The following TRAF3IP1 variants were observed in gnomAD, a reference collection of about 807,000 sequenced individuals.
TRAF3IP1 encodes TRAF3-interacting protein 1.
Under a neutral mutation model 89.9 loss-of-function variants are expected in TRAF3IP1, and 53 were observed. That is an observed-to-expected ratio of 0.59 (90% CI 0.47 to 0.74). TRAF3IP1 has a LOEUF of 0.74. Among genes scored for constraint, TRAF3IP1 ranks in the 30% least tolerant of loss-of-function variants. The probability of loss-of-function intolerance (pLI) is 0.00; values close to 1 mark genes in which losing one functional copy is unlikely to be tolerated. For synonymous variants in TRAF3IP1, 311 were observed against 322.1 expected (o/e 0.97, Z 0.37); for missense variants, 806 against 866.1 (o/e 0.93, Z 0.87).
At chr2:238,362,704 C>T (rs571616568) in intron 15 of TRAF3IP1, among the ~76,000 whole-genome samples, 34 of 152,352 alleles carry the variant, frequency 2.2e-4, no homozygotes, top group African/African-American at 8.2e-4. Flanking sequence ...CATCCATTTG[C>T]ATAGCCAGAA....
intron 15 of TRAF3IP1, among the ~76,000 whole-genome samples, chr2:238,376,568 T>C (rs906801313): frequency 1.3e-5 from 2 of 152,256 alleles, no homozygotes; most frequent in Non-Finnish European, 1.5e-5. Flanking sequence ...GGAGTATTTA[T>C]GAACAAAACT....
At chr2:238,349,870 G>A (rs999309872) in intron 12 of TRAF3IP1, among the ~76,000 whole-genome samples, 4 of 152,198 alleles carry the variant, frequency 2.6e-5, no homozygotes, top group Admixed American at 1.3e-4. Flanking sequence ...AGGAGTTTGA[G>A]ACCAGCCTGG....
chr2:238,383,214 G>A (rs1313226228), intron 15 of TRAF3IP1, among the ~76,000 whole-genome samples: 1 of 152,132 alleles, frequency 6.6e-6, no homozygotes, highest in African/African-American at 2.4e-5. Flanking sequence ...CAGACTGTGT[G>A]GGGCTCCTCT....
intron 15 of TRAF3IP1, among the ~76,000 whole-genome samples, chr2:238,356,961 G>T (rs1478791318): frequency 1.3e-5 from 2 of 152,074 alleles, no homozygotes; most frequent in African/African-American, 4.8e-5. Context: ...TGTATTTTTA[G>T]TAGAGACGGG....
At chr2:238,374,165 G>C (rs187945821) in intron 15 of TRAF3IP1, among the ~76,000 whole-genome samples, 5 of 152,132 alleles carry the variant, frequency 3.3e-5, no homozygotes, top group African/African-American at 7.2e-5. Context: ...TTCCAACACT[G>C]TGTTGAATAG....
chr2:238,388,717 C>T (rs1435398695), intron 15 of TRAF3IP1, among the ~76,000 whole-genome samples: 3 of 151,244 alleles, frequency 2.0e-5, no homozygotes, highest in African/African-American at 4.9e-5. Context: ...TCTTGGCTCA[C>T]TGTAACCTCT....
intron 15 of TRAF3IP1, among the ~76,000 whole-genome samples, chr2:238,393,453 T>C (rs957707929): frequency 1.3e-5 from 2 of 152,226 alleles, no homozygotes; most frequent in Non-Finnish European, 2.9e-5. Context: ...ATGTGTGATT[T>C]GCAGTTGTTT....
rs1698856159 is a variant in TRAF3IP1, at chr2:238,345,621, A to G, written c.1261+1023A>G. Reference sequence around the variant, plus strand: ...CCATGTTAATTAGGGAGGGTTAAAGATTGTGCAGAGAAGAGAGAGAGGCCT... The same window carrying G: ...CCATGTTAATTAGGGAGGGTTAAAGGTTGTGCAGAGAAGAGAGAGAGGCCT... On this transcript the variant is annotated intron_variant, in intron 9 of 16. Coordinates refer to ENST00000373327, the MANE Select transcript of TRAF3IP1 (RefSeq NM_015650.4). The surrounding 1 kb of genome is among the most constrained non-coding windows in gnomAD (Gnocchi z 4.7). 6.6e-6 allele frequency among the ~76,000 whole-genome samples: 1 copy of G among 152,124 alleles called. No individual in the cohort carries two copies. Among genetic ancestry groups the G allele is most frequent in the African/African-American group, 2.4e-5 (1 of 41,426 alleles).
chr2:238,367,541 C>T (rs2106346047), intron 15 of TRAF3IP1, among the ~76,000 whole-genome samples: 1 of 152,322 alleles, frequency 6.6e-6, no homozygotes, highest in South Asian at 2.1e-4. Context: ...GCTGGGGTCC[C>T]CTTAGCATGT....
At chr2:238,338,521 AT>A (rs1698490859) in intron 8 of TRAF3IP1, 64 bp downstream of exon 8, 3 of 890,436 alleles carry the variant, frequency 3.4e-6, no homozygotes, top group Non-Finnish European at 5.2e-6. Context: ...TTATATCTCA[AT>A]GTAGTTATAC....
intron 15 of TRAF3IP1, among the ~76,000 whole-genome samples, chr2:238,365,675 T>TA (rs1005101488): frequency 1.3e-5 from 2 of 150,976 alleles, no homozygotes; most frequent in Non-Finnish European, 1.5e-5. Flanking sequence ...AAAATAAAAA[T>TA]AAAAATAAAT....
At chr2:238,321,549 A>G (rs1231892460) in intron 1 of TRAF3IP1, among the ~76,000 whole-genome samples, 1 of 152,036 alleles carries the variant, frequency 6.6e-6, no homozygotes, top group East Asian at 1.9e-4. Flanking sequence ...CCACTTGCGG[A>G]TGGTGTGCTC....
intron 6 of TRAF3IP1, 95 bp from the exon 7 acceptor site, chr2:238,333,865 T>C (rs1383812816): frequency 1.9e-6 from 2 of 1,040,708 alleles, no homozygotes; most frequent in East Asian, 5.2e-5. Flanking sequence ...GATTTCATAC[T>C]TGTTCTTCCT....
rs76123458 is a variant in TRAF3IP1 at position 238,391,603 on chromosome 2, T to C, written c.1690-5856T>C. Among the ~76,000 whole-genome samples, 4 of 152,334 alleles carry C rather than the reference T, an allele frequency of 2.6e-5. No individual in the cohort carries two copies. The East Asian group carries it at 7.7e-4, about 29-fold the overall frequency. ...GACTATCACAATCCCAGCCCAAGTG[T>C]ACTTATTTTAAAGTCTTAATCTCTT... On this transcript the variant is annotated intron_variant, in intron 15 of 16. Coordinates refer to ENST00000373327, the MANE Select transcript of TRAF3IP1 (RefSeq NM_015650.4).
At chr2:238,343,344 A>T (rs989746410) in intron 8 of TRAF3IP1, among the ~76,000 whole-genome samples, 6 of 151,894 alleles carry the variant, frequency 4.0e-5, no homozygotes, top group Non-Finnish European at 5.9e-5. Context: ...TCAGCCTCCC[A>T]AAGTGCTGGG....
chr2:238,382,490 A>G (rs886343405), intron 15 of TRAF3IP1, among the ~76,000 whole-genome samples: 3 of 152,224 alleles, frequency 2.0e-5, no homozygotes, highest in Non-Finnish European at 4.4e-5. Context: ...AGAACTTTAT[A>G]TAGCAGCTTA....
At chr2:238,353,099 G>T in intron 13 of TRAF3IP1, 74 bp from the exon 14 acceptor site, 2 of 1,576,324 alleles carry the variant, frequency 1.3e-6, no homozygotes, top group South Asian at 2.3e-5. Flanking sequence ...TTCTTTTTTT[G>T]AGATCCACAG....
chr2:238,380,788 G>C (rs927073800), intron 15 of TRAF3IP1, among the ~76,000 whole-genome samples: 1 of 152,204 alleles, frequency 6.6e-6, no homozygotes, highest in East Asian at 1.9e-4. Flanking sequence ...AAACACTGTT[G>C]TAAAGTGATT....
intron 15 of TRAF3IP1, among the ~76,000 whole-genome samples, chr2:238,382,165 G>T (rs1397983127): frequency 6.6e-6 from 1 of 152,180 alleles, no homozygotes; most frequent in African/African-American, 2.4e-5. Flanking sequence ...GAGAGCCCGG[G>T]TGTGATGGTT....
Sources: gnomAD v4.1 joint callset for allele counts (sites outside exome capture counted in the v4.1 genomes callset) on GRCh38, gnomAD v4.1.1 for gene constraint, Gnocchi (gnomAD v3.1) non-coding constraint, MANE v1.5 for transcripts, NCBI Gene and HGNC (gene_info 2026-07-23, HGNC 2026-07-21) for gene names.